Variants in MCM2 observed in about 807,000 individuals in gnomAD.
The protein encoded by MCM2 is minichromosome maintenance complex component 2, also known as DNA replication licensing factor MCM2.
A neutral mutation model predicts 86.4 loss-of-function variants in MCM2; 49 were observed. That is an observed-to-expected ratio of 0.57 (90% confidence interval 0.45 to 0.72). MCM2 has a LOEUF of 0.72. Among genes scored for constraint, MCM2 ranks in the 30% least tolerant of loss-of-function variants. The pLI, the probability that MCM2 is intolerant of heterozygous loss-of-function variation, is 0.00. For synonymous variants in MCM2, 475 were observed against 484.6 expected (o/e 0.98, Z 0.26); for missense variants, 1,038 against 1,259.9 (o/e 0.82, Z 2.67).
At position 127,604,963 on chromosome 3, in the gene MCM2, C is replaced by T. The variant is rs2307312; in HGVS notation, c.480C>T (p.Asp160=). ...KRRQVERATE[D]GEEDEEMIES... is the part of the protein sequence containing the mutation. Reference sequence around the variant, plus strand: ...GCCAGGTGGAGCGGGCCACGGAGGACGGCGAGGAGGACGAGGAGATGATCG... The same window carrying T: ...GCCAGGTGGAGCGGGCCACGGAGGATGGCGAGGAGGACGAGGAGATGATCG... Residue 160 remains aspartate, a synonymous_variant, in exon 4 of 16, where the codon GAC becomes GAT. Coordinates refer to ENST00000265056, the MANE Select transcript of MCM2 (RefSeq NM_004526.4). 9.5e-4 allele frequency: 1,521 copies of T among 1,606,612 alleles called. 18 individuals carry two copies. The African/African-American group carries it at 0.017, about 18-fold the overall frequency.
intron 8 of MCM2, 146 bp downstream of exon 8, chr3:127,609,169 C>G: frequency 1.2e-6 from 1 of 836,030 alleles, no homozygotes; most frequent in South Asian, 1.7e-5. Flanking sequence ...AAGGGAGGCC[C>G]TGTGCTCCAG....
chr3:127,607,246 T>C (rs1448388609), intron 6 of MCM2, among the ~76,000 whole-genome samples: 1 of 152,200 alleles, frequency 6.6e-6, no homozygotes, highest in Non-Finnish European at 1.5e-5. Flanking sequence ...GTGGGGCCCC[T>C]GGACCATACC....
In MCM2 at chr3:127,601,944, T is replaced by G. The variant is rs575722455; in HGVS notation, c.236+2397T>G. ...CTTTTCGTATGCTTGATTGGCTATC[T>G]GTGTATCTTCAGAGAAATCCTGGAC... On this transcript the variant is annotated intron_variant, in intron 2 of 15. Transcript: ENST00000265056. Among the ~76,000 whole-genome samples, 55 of 152,326 alleles carry G rather than the reference T, an allele frequency of 3.6e-4. No homozygotes were observed. In the East Asian group the frequency reaches 0.011, roughly 29 times the overall value.
At chr3:127,602,466 TG>T (rs1411765290) in intron 2 of MCM2, among the ~76,000 whole-genome samples, 1 of 152,110 alleles carries the variant, frequency 6.6e-6, no homozygotes, top group Admixed American at 6.5e-5. Context: ...CAGTATGGCA[TG>T]GGGGAAGGAG....
intron 15 of MCM2, 37 bp from the exon 16 acceptor site, chr3:127,621,626 C>T (rs2107697829): frequency 7.2e-7 from 1 of 1,388,758 alleles, no homozygotes; most frequent in Non-Finnish European, 1.0e-6. Flanking sequence ...CCTGTTCTCA[C>T]ACCACTGATG....
At chr3:127,605,293 G>C in intron 4 of MCM2, 137 bp downstream of exon 4, 1 of 1,170,354 alleles carries the variant, frequency 8.5e-7, no homozygotes, top group Non-Finnish European at 1.2e-6. Flanking sequence ...CAAAAGTTTT[G>C]AGTTTTGCAT....
intron 4 of MCM2, among the ~76,000 whole-genome samples, chr3:127,605,620 A>G (rs1208577642): frequency 6.7e-6 from 1 of 149,002 alleles, no homozygotes; most frequent in Admixed American, 6.6e-5. Context: ...TTTTTTTTTT[A>G]GTAGAGAAGG....
chr3:127,607,514 C>A (rs2074360587), intron 6 of MCM2, among the ~76,000 whole-genome samples: 1 of 152,170 alleles, frequency 6.6e-6, no homozygotes, highest in African/African-American at 2.4e-5. Flanking sequence ...CACCTGTGGC[C>A]ACCTACAGCC....
At chr3:127,616,821 C>A in intron 9 of MCM2, 47 bp from the exon 10 acceptor site, 1 of 1,590,982 alleles carries the variant, frequency 6.3e-7, no homozygotes, top group Non-Finnish European at 8.6e-7. Flanking sequence ...CCCTCCTCCT[C>A]TCACTTCCCA....
At position 127,606,653 on chromosome 3, in the gene MCM2, AC is replaced by A. The variant is rs776534708; in HGVS notation, c.939del (p.Ser314AlafsTer34). On this transcript the variant is annotated frameshift_variant, in exon 6 of 16. Coordinates refer to ENST00000265056, the MANE Select transcript of MCM2 (RefSeq NM_004526.4). LOFTEE classifies it high-confidence loss of function. The surrounding 1 kb of genome is among the most constrained non-coding windows in gnomAD (Gnocchi z 4.2). The stretch of plus-strand genomic sequence containing the variant: ...GCTGATCCGCACCAGTGGGGTGGTG[AC>A]CAGCTGCACTGGCGTCCTGCCCCAG... ...NQLIRTSGVV[T>X]SCTGVLPQLS... 1 of 1,614,134 alleles carries A rather than the reference AC, an allele frequency of 6.2e-7. No individual in the cohort carries two copies. The highest frequency in any genetic ancestry group is 1.3e-5 in the African/African-American group (1 of 75,050).
Position 127,615,942 on chromosome 3 carries a change from G to A in MCM2, c.1509G>A (p.Glu503=), listed in dbSNP as rs1479161945. The part of the protein sequence containing the change: ...RGLALALFGG[E]PKNPGGKHKV... Reference sequence around the variant, plus strand: ...TGGCTCTGGCCCTGTTCGGAGGGGAGCCCAAAAACCCAGGTGAGCACCCAC... The same window carrying A: ...TGGCTCTGGCCCTGTTCGGAGGGGAACCCAAAAACCCAGGTGAGCACCCAC... Residue 503 remains glutamate, a synonymous_variant, in exon 9 of 16, where the codon GAG becomes GAA. Coordinates refer to ENST00000265056, the MANE Select transcript of MCM2 (RefSeq NM_004526.4). 6.2e-7 allele frequency: 1 copy of A among 1,614,148 alleles called. No homozygotes were observed. Among genetic ancestry groups the A allele is most frequent in the Non-Finnish European group, 8.5e-7 (1 of 1,179,988 alleles).
In MCM2 at chr3:127,619,048, G is replaced by C. The variant is rs776197114; in HGVS notation, c.2035G>C (p.Val679Leu). The C allele has an allele frequency of 6.2e-7, 1 of 1,606,882 alleles. No homozygotes were observed. ...PVQDEMLARF[V>L]VGSHVRHHPS... ...TTAGGACGAGATGCTGGCCCGCTTC[G>C]TGGTGGGCAGCCACGTCAGACACCA... Residue 679 changes from valine to leucine, a missense_variant, in exon 13 of 16, where the codon GTG becomes CTG. Val to Leu is a conservative substitution (Grantham distance 32, BLOSUM62 1). Around this residue, in one of 4 missense-constraint regions of MCM2, gnomAD observed 336 missense variants for 425.7 expected, o/e 0.79. Coordinates refer to ENST00000265056, the MANE Select transcript of MCM2 (RefSeq NM_004526.4).
intron 13 of MCM2, 140 bp downstream of exon 13, chr3:127,619,418 G>T: frequency 1.1e-5 from 11 of 1,038,160 alleles, no homozygotes; most frequent in Non-Finnish European, 1.5e-5. Context: ...AAATGTAGGT[G>T]CCAGGCACAG....
intron 8 of MCM2, chr3:127,611,010 G>A: frequency 2.2e-6 from 1 of 452,848 alleles, no homozygotes; most frequent in South Asian, 1.6e-5. Context: ...CATGACCCTT[G>A]CCCTCAGAGC....
Position 127,622,365 on chromosome 3 carries a change from C to G in MCM2, c.*592C>G, listed in dbSNP as rs2074485161. ...CTGCCATTGCTCCCTGTCTGTTTCCCCACTCTCTTATTTGTGCATTCGGTT... is the reference window on the plus strand; with the variant it reads ...CTGCCATTGCTCCCTGTCTGTTTCCGCACTCTCTTATTTGTGCATTCGGTT... On this transcript the variant is annotated 3_prime_UTR_variant, in exon 16 of 16. Coordinates refer to ENST00000265056, the MANE Select transcript of MCM2 (RefSeq NM_004526.4). The G allele has an allele frequency of 6.6e-6, 1 of 152,202 alleles. No homozygotes were observed. The highest frequency in any genetic ancestry group is 1.5e-5 in the Non-Finnish European group (1 of 68,060). 9.4% of individuals were successfully genotyped at this position (152,202 alleles called of 1,614,324 possible).
In MCM2 at chr3:127,617,191, G is replaced by T. The variant is rs1158138069; in HGVS notation, c.1773+73G>T. 6.2e-7 allele frequency: 1 copy of T among 1,602,470 alleles called. No individual in the cohort carries two copies. Among genetic ancestry groups the T allele is most frequent in the Non-Finnish European group, 8.5e-7 (1 of 1,172,040 alleles). On this transcript the variant is annotated intron_variant, in intron 10 of 15. Coordinates refer to ENST00000265056, the MANE Select transcript of MCM2 (RefSeq NM_004526.4). This position sits in a 1 kb window ranked among gnomAD's most constrained non-coding sequence, Gnocchi z 4.1. ...GGGCTTGGGCCTTAGCGACGGGAAT[G>T]GTGTTAATGGGGTCCATTGGGACCT...
At chr3:127,604,433 T>A in intron 2 of MCM2, 175 bp from the exon 3 acceptor site, 2 of 634,272 alleles carry the variant, frequency 3.2e-6, no homozygotes, top group Non-Finnish European at 5.6e-6. Context: ...AGATCGTGTT[T>A]TGTTCATCCA....
intron 8 of MCM2, among the ~76,000 whole-genome samples, chr3:127,611,988 C>T (rs553507579): frequency 2.6e-5 from 4 of 152,192 alleles, no homozygotes; most frequent in Admixed American, 1.3e-4. Flanking sequence ...CGTGAGCCAC[C>T]GCGCCCGGCC....
At position 127,598,509 on chromosome 3, in the gene MCM2, A is replaced by T. The variant is rs1267297343; in HGVS notation, c.6+37A>T. ...GGCGCGTGGCGGGCGGGCGCCGGGG[A>T]CATGGGTGCGGAGGCTGCGCGCTTC... On this transcript the variant is annotated intron_variant, in intron 1 of 15. Coordinates refer to ENST00000265056, the MANE Select transcript of MCM2 (RefSeq NM_004526.4). The T allele has an allele frequency of 2.5e-6, 4 of 1,609,132 alleles. No individual in the cohort carries two copies. In the Admixed American group the frequency reaches 6.7e-5, roughly 27 times the overall value.
Sources: gnomAD v4.1 joint callset for allele counts (sites outside exome capture counted in the v4.1 genomes callset) on GRCh38, gnomAD v4.1.1 for gene constraint, gnomAD v4.1.1 regional missense constraint, Gnocchi (gnomAD v3.1) non-coding constraint, MANE v1.5 for transcripts, NCBI Gene and HGNC (gene_info 2026-07-23, HGNC 2026-07-21) for gene names.